HS3ST4: variants seen among roughly 807,000 people sequenced by gnomAD.
HS3ST4 encodes the protein heparan sulfate-glucosamine 3-sulfotransferase 4, also known as heparan sulfate glucosamine 3-O-sulfotransferase 4.
In HS3ST4, 17 loss-of-function variants were observed where a neutral mutation model predicts 29.2. The observed-to-expected ratio is 0.58, with a 90% CI of 0.40 to 0.87. HS3ST4 has a LOEUF of 0.87. HS3ST4 is among the 40% of genes least tolerant of loss of function. HS3ST4 has a pLI of 0.00. For missense variants in HS3ST4, 627 were observed against 634.5 expected (o/e 0.99, Z 0.13); for synonymous variants, 314 against 285.7 (o/e 1.10, Z -1.00).
At chr16:25,743,454 T>C (rs1484286461) in intron 1 of HS3ST4, among the ~76,000 whole-genome samples, 1 of 152,210 alleles carries the variant, frequency 6.6e-6, no homozygotes, top group Non-Finnish European at 1.5e-5. Flanking sequence ...TCAATCGGCA[T>C]ATCAGAGGAG....
chr16:25,833,346 A>G (rs1967324850), intron 1 of HS3ST4, among the ~76,000 whole-genome samples: 1 of 152,242 alleles, frequency 6.6e-6, no homozygotes, highest in African/African-American at 2.4e-5. Flanking sequence ...TTGATCTTGG[A>G]GTCAACCAAA....
chr16:25,845,776 T>A (rs1967460635), intron 1 of HS3ST4, among the ~76,000 whole-genome samples: 1 of 152,018 alleles, frequency 6.6e-6, no homozygotes, highest in South Asian at 2.1e-4. Flanking sequence ...TTTGCCAATC[T>A]GGAGGCTGAA....
intron 1 of HS3ST4, among the ~76,000 whole-genome samples, chr16:26,007,053 G>A (rs183863745): frequency 7.4e-4 from 113 of 152,280 alleles, no homozygotes; most frequent in Non-Finnish European, 1.1e-3. Context: ...TTGCAAAGGC[G>A]GTTTCAAGAG....
At chr16:25,796,733 C>A (rs1966888149) in intron 1 of HS3ST4, among the ~76,000 whole-genome samples, 1 of 152,134 alleles carries the variant, frequency 6.6e-6, no homozygotes, top group Non-Finnish European at 1.5e-5. Context: ...CAGCACTAGC[C>A]CATAGGCAGT....
intron 1 of HS3ST4, among the ~76,000 whole-genome samples, chr16:25,986,102 TATTTAAA>T (rs1370275491): frequency 6.6e-6 from 1 of 152,220 alleles, no homozygotes; most frequent in Admixed American, 6.5e-5. Context: ...CTGACCACAC[TATTTAAA>T]ATTGCCAGCA....
chr16:25,710,808 C>T lies in HS3ST4; in HGVS notation c.734+17657C>T, dbSNP rs775560516. On this transcript the variant is annotated intron_variant, in intron 1 of 1. Coordinates refer to ENST00000331351, the MANE Select transcript of HS3ST4 (RefSeq NM_006040.3). Reference sequence around the variant, plus strand: ...AGCAGTTGTGCTTTTGCATATTATCCTTTTTTTTTTTTTTTTTTTTTTTTT... The same window carrying T: ...AGCAGTTGTGCTTTTGCATATTATCTTTTTTTTTTTTTTTTTTTTTTTTTT... Among the ~76,000 whole-genome samples, 38 of 48,516 alleles carry T rather than the reference C, an allele frequency of 7.8e-4. 1 individual carries two copies. Among genetic ancestry groups the T allele is most frequent in the Non-Finnish European group, 1.1e-3 (33 of 29,258 alleles). The allele number at this position is 48,516 out of a possible 152,430, so 31.8% of individuals were successfully genotyped here.
At chr16:26,118,468 C>G (rs375643111) in intron 1 of HS3ST4, among the ~76,000 whole-genome samples, 1 of 152,186 alleles carries the variant, frequency 6.6e-6, no homozygotes, top group Admixed American at 6.5e-5. Flanking sequence ...ATGGAACTTT[C>G]TGTGATGATG....
chr16:25,881,083 C>G (rs925285243), intron 1 of HS3ST4, among the ~76,000 whole-genome samples: 2 of 152,124 alleles, frequency 1.3e-5, no homozygotes, highest in Non-Finnish European at 2.9e-5. Context: ...GCCTTTTCAA[C>G]AATCATTGAA....
At chr16:25,920,601 CA>C (rs57329564) in intron 1 of HS3ST4, among the ~76,000 whole-genome samples, 32,772 of 139,466 alleles carry the variant, frequency 0.23, 6,497 homozygotes, top group East Asian at 0.74. Context: ...CTGCCGCCCC[CA>C]CCCCTCTTTT....
chr16:26,092,685 T>A (rs998890453), intron 1 of HS3ST4, among the ~76,000 whole-genome samples: 1 of 152,126 alleles, frequency 6.6e-6, no homozygotes, highest in African/African-American at 2.4e-5. Context: ...ATGCAGAAGA[T>A]GGGTGATTTC....
chr16:25,954,712 G>A (rs931360620), intron 1 of HS3ST4, among the ~76,000 whole-genome samples: 1 of 152,064 alleles, frequency 6.6e-6, no homozygotes, highest in Non-Finnish European at 1.5e-5. Context: ...GAGCACCAAG[G>A]TGACTCTCAA....
In HS3ST4 at chr16:26,113,847, T is replaced by C. The variant is rs569393824; in HGVS notation, c.735-21765T>C. ...GGGAGCATCATGAAGATAGATGCAA[T>C]GGTAGTAGTAATTTTTAGTTTGGGT... On this transcript the variant is annotated intron_variant, in intron 1 of 1. Coordinates refer to ENST00000331351, the MANE Select transcript of HS3ST4 (RefSeq NM_006040.3). Among the ~76,000 whole-genome samples, 3 of 152,174 alleles carry C rather than the reference T, an allele frequency of 2.0e-5. No individual in the cohort carries two copies. In the East Asian group the frequency reaches 5.8e-4, roughly 29 times the overall value.
At chr16:25,705,937 A>C (rs1170762706) in intron 1 of HS3ST4, among the ~76,000 whole-genome samples, 1 of 152,224 alleles carries the variant, frequency 6.6e-6, no homozygotes, top group African/African-American at 2.4e-5. Context: ...GCACGTTTTC[A>C]TGAATTCCCC....
At chr16:25,930,981 C>T (rs1271996094) in intron 1 of HS3ST4, among the ~76,000 whole-genome samples, 1 of 152,098 alleles carries the variant, frequency 6.6e-6, no homozygotes, top group African/African-American at 2.4e-5. Flanking sequence ...ACTGTGTTGC[C>T]CAGGCTGGTC....
intron 1 of HS3ST4, among the ~76,000 whole-genome samples, chr16:25,881,091 G>T (rs34422059): frequency 0.23 from 35,341 of 152,072 alleles, 4,562 homozygotes; most frequent in Non-Finnish European, 0.31. Flanking sequence ...AACAATCATT[G>T]AAGAACAGGC....
At chr16:25,697,873 A>G (rs923457771) in intron 1 of HS3ST4, among the ~76,000 whole-genome samples, 5 of 152,012 alleles carry the variant, frequency 3.3e-5, no homozygotes, top group Non-Finnish European at 7.4e-5. Context: ...GGGTTTCACC[A>G]TGTTGGCCAG....
At chr16:25,715,885 C>A (rs1404940253) in intron 1 of HS3ST4, among the ~76,000 whole-genome samples, 1 of 152,186 alleles carries the variant, frequency 6.6e-6, no homozygotes, top group Non-Finnish European at 1.5e-5. Context: ...CAGCTGTCAG[C>A]ACCTTGTATA....
chr16:26,127,206 G>A (rs1289236523), intron 1 of HS3ST4, among the ~76,000 whole-genome samples: 2 of 152,056 alleles, frequency 1.3e-5, no homozygotes, highest in East Asian at 1.9e-4. Context: ...CTCAGCAATC[G>A]ACCCTACTCT....
chr16:26,135,724 C>T lies in HS3ST4; in HGVS notation c.847C>T (p.Leu283=), dbSNP rs1398499715. The change falls in exon 2 of 2, where the codon CTG becomes TTG. Residue 283 remains leucine, a synonymous_variant. Coordinates refer to ENST00000331351, the MANE Select transcript of HS3ST4 (RefSeq NM_006040.3). ...RIHSMAKDIK[L]IVVVRNPVTR... ...TCACTCCATGGCCAAGGACATCAAACTGATTGTGGTGGTGAGAAACCCCGT... is the reference window on the plus strand; with the variant it reads ...TCACTCCATGGCCAAGGACATCAAATTGATTGTGGTGGTGAGAAACCCCGT... The T allele has an allele frequency of 6.2e-7, 1 of 1,614,142 alleles. No homozygotes were observed. The highest frequency in any genetic ancestry group is 1.7e-5 in the Admixed American group (1 of 60,024).
Sources: allele counts gnomAD v4.1 joint callset (sites outside exome capture counted in the v4.1 genomes callset), GRCh38; gene constraint gnomAD v4.1.1; transcripts MANE v1.5; gene names NCBI Gene and HGNC (gene_info 2026-07-23, HGNC 2026-07-21).